Variants in AUTS2 observed in about 807,000 individuals in gnomAD.
The protein encoded by AUTS2 is activator of transcription and developmental regulator AUTS2.
AUTS2 carries 17 observed loss-of-function variants against 112.4 expected under a neutral mutation model. The observed-to-expected ratio is 0.15, with a 90% confidence interval of 0.10 to 0.23. AUTS2 has a LOEUF of 0.23. AUTS2 is among the 10% of genes least tolerant of loss of function. AUTS2 has a pLI of 1.00. For synonymous variants in AUTS2, 751 were observed against 702.7 expected (o/e 1.07, Z -1.09); for missense variants, 1,510 against 1,701.6 (o/e 0.89, Z 1.98).
chr7:69,651,118 CTG>C (rs1795267806), intron 1 of AUTS2, among the ~76,000 whole-genome samples: 1 of 152,206 alleles, frequency 6.6e-6, no homozygotes, highest in Non-Finnish European at 1.5e-5. Flanking sequence ...GAGTTGGAGG[CTG>C]TGTTGCCCTA....
At chr7:69,975,511 C>A (rs1798018141) in intron 2 of AUTS2, among the ~76,000 whole-genome samples, 1 of 151,860 alleles carries the variant, frequency 6.6e-6, no homozygotes, top group Non-Finnish European at 1.5e-5. Flanking sequence ...GGTTATAATC[C>A]CACAGATACC....
At chr7:69,890,870 T>C (rs1034165270) in intron 1 of AUTS2, among the ~76,000 whole-genome samples, 3 of 152,230 alleles carry the variant, frequency 2.0e-5, no homozygotes, top group African/African-American at 7.2e-5. Context: ...GGTTTTAGGA[T>C]TCTAAAAGAT....
intron 11 of AUTS2, among the ~76,000 whole-genome samples, chr7:70,772,066 G>A (rs916968412): frequency 3.3e-5 from 5 of 152,208 alleles, no homozygotes; most frequent in African/African-American, 1.2e-4. Flanking sequence ...TGGGGATAAA[G>A]GTTCCACAAC....
intron 4 of AUTS2, among the ~76,000 whole-genome samples, chr7:70,195,329 A>T (rs925772642): frequency 1.2e-4 from 18 of 152,078 alleles, no homozygotes; most frequent in Admixed American, 7.2e-4. Context: ...CCCAAATCAG[A>T]ATAGGGAGTG....
chr7:69,806,227 T>C (rs867039346), intron 1 of AUTS2, among the ~76,000 whole-genome samples: 16 of 140,152 alleles, frequency 1.1e-4, no homozygotes, highest in Non-Finnish European at 1.7e-4. Flanking sequence ...TTTTTTTTTT[T>C]TAAACCAGCG....
intron 1 of AUTS2, among the ~76,000 whole-genome samples, chr7:69,710,656 T>G (rs1798276736): frequency 6.6e-6 from 1 of 152,220 alleles, no homozygotes; most frequent in African/African-American, 2.4e-5. Context: ...TTGCAGTCTC[T>G]TAGCTGAGAA....
At chr7:70,083,385 CAGA>C (rs1803420459) in intron 2 of AUTS2, among the ~76,000 whole-genome samples, 1 of 152,096 alleles carries the variant, frequency 6.6e-6, no homozygotes, top group African/African-American at 2.4e-5. Context: ...CTACTTTAGC[CAGA>C]AGATTAGTAC....
At chr7:69,632,728 T>G (rs1794318623) in intron 1 of AUTS2, among the ~76,000 whole-genome samples, 1 of 152,144 alleles carries the variant, frequency 6.6e-6, no homozygotes, top group Non-Finnish European at 1.5e-5. Flanking sequence ...TTTAAAAATC[T>G]TAAGTATTTA....
intron 5 of AUTS2, among the ~76,000 whole-genome samples, chr7:70,495,670 C>G (rs1170181230): frequency 7.1e-6 from 1 of 141,268 alleles, no homozygotes; most frequent in Non-Finnish European, 1.5e-5. Context: ...CGATCACACA[C>G]CCCACTCACA....
At chr7:70,581,489 T>A (rs1324117736) in intron 5 of AUTS2, among the ~76,000 whole-genome samples, 1 of 152,178 alleles carries the variant, frequency 6.6e-6, no homozygotes, top group African/African-American at 2.4e-5. Context: ...GCCAGTGAGT[T>A]CTAGGCTATG....
chr7:70,219,462 T>C (rs1043382905), intron 4 of AUTS2, among the ~76,000 whole-genome samples: 2 of 152,158 alleles, frequency 1.3e-5, no homozygotes, highest in African/African-American at 4.8e-5. Flanking sequence ...TTTGAGTGTA[T>C]AGACATCACA....
intron 1 of AUTS2, among the ~76,000 whole-genome samples, chr7:69,878,558 C>G (rs578094277): frequency 6.6e-6 from 1 of 152,190 alleles, no homozygotes; most frequent in South Asian, 2.1e-4. Context: ...CTAAGCAGCC[C>G]CAGTGAAAAC....
chr7:70,123,710 G>A (rs566761861), intron 3 of AUTS2, among the ~76,000 whole-genome samples: 10 of 152,226 alleles, frequency 6.6e-5, no homozygotes, highest in African/African-American at 1.4e-4. Flanking sequence ...GTAGTATTTC[G>A]TGGTTTACAT....
At chr7:69,860,269 T>A (rs1792916735) in intron 1 of AUTS2, among the ~76,000 whole-genome samples, 1 of 151,896 alleles carries the variant, frequency 6.6e-6, no homozygotes, top group Non-Finnish European at 1.5e-5. Flanking sequence ...CTCTGAGGTG[T>A]AGTCTGAGGT....
At chr7:70,159,522 C>T (rs1266498446) in intron 4 of AUTS2, among the ~76,000 whole-genome samples, 3 of 152,164 alleles carry the variant, frequency 2.0e-5, no homozygotes, top group Middle Eastern at 3.4e-3. Flanking sequence ...CACAGGAGGA[C>T]GTATGCAATA....
chr7:69,826,112 G>A (rs1053793309), intron 1 of AUTS2, among the ~76,000 whole-genome samples: 3 of 152,170 alleles, frequency 2.0e-5, no homozygotes, highest in African/African-American at 7.2e-5. Context: ...TATTCATGCA[G>A]GGAGAATTCT....
intron 6 of AUTS2, among the ~76,000 whole-genome samples, chr7:70,701,181 G>A (rs1809436270): frequency 6.6e-6 from 1 of 152,228 alleles, no homozygotes; most frequent in Non-Finnish European, 1.5e-5. Flanking sequence ...CCTGGTGGCA[G>A]GCAGATTTGG....
At chr7:70,386,858 T>C (rs1210555466) in intron 4 of AUTS2, among the ~76,000 whole-genome samples, 1 of 152,196 alleles carries the variant, frequency 6.6e-6, no homozygotes, top group Non-Finnish European at 1.5e-5. Context: ...CTCCCGACTT[T>C]TCTGTAGGAT....
chr7:70,633,202 T>A (rs1199800426), intron 5 of AUTS2, among the ~76,000 whole-genome samples: 5 of 151,564 alleles, frequency 3.3e-5, no homozygotes, highest in African/African-American at 1.2e-4. Flanking sequence ...AGAGCGAGGG[T>A]CCCCCCACCT....
Sources: gnomAD v4.1 joint callset for allele counts (sites outside exome capture counted in the v4.1 genomes callset) on GRCh38, gnomAD v4.1.1 for gene constraint, MANE v1.5 for transcripts, NCBI Gene and HGNC (gene_info 2026-07-23, HGNC 2026-07-21) for gene names.